Variants in MGLL observed in about 807,000 individuals in gnomAD.
MGLL encodes monoglyceride lipase, also known as lysophospholipase homolog.
A neutral mutation model predicts 29.1 loss-of-function variants in MGLL; 7 were observed. That is an observed-to-expected ratio of 0.24 (90% CI 0.14 to 0.45). MGLL has a LOEUF of 0.45. Ranked by LOEUF, MGLL falls within the 20% of genes least tolerant of loss-of-function variation. The probability of loss-of-function intolerance (pLI) is 0.99; values close to 1 mark genes in which losing one functional copy is unlikely to be tolerated. For synonymous variants in MGLL, 148 were observed against 168.3 expected, an observed-to-expected ratio of 0.88 and a Z score of 0.93; for missense variants, 356 against 413.6, an observed-to-expected ratio of 0.86 and a Z score of 1.21.
chr3:127,789,720 G>C (rs2077270066), intron 2 of MGLL, among the ~76,000 whole-genome samples: 1 of 149,358 alleles, frequency 6.7e-6, no homozygotes, highest in African/African-American at 2.5e-5. Context: ...AAGAAAGAAA[G>C]GAAAGAAAGG....
intron 3 of MGLL, among the ~76,000 whole-genome samples, chr3:127,741,935 A>G (rs997484874): frequency 7.0e-6 from 1 of 142,102 alleles, no homozygotes; most frequent in Non-Finnish European, 1.5e-5. Flanking sequence ...ATATCCCATC[A>G]GGGGATACAT....
At chr3:127,729,459 TC>T (rs1446694274) in intron 3 of MGLL, among the ~76,000 whole-genome samples, 4 of 152,222 alleles carry the variant, frequency 2.6e-5, no homozygotes, top group African/African-American at 7.2e-5. Flanking sequence ...GAGATACCCA[TC>T]TTTTACCAGA....
intron 2 of MGLL, among the ~76,000 whole-genome samples, chr3:127,807,114 G>C (rs1406301554): frequency 6.6e-6 from 1 of 152,182 alleles, no homozygotes; most frequent in East Asian, 1.9e-4. Flanking sequence ...AACCATCTGG[G>C]CCTGGGTTTT....
At chr3:127,747,932 A>G (rs1054246203) in intron 3 of MGLL, among the ~76,000 whole-genome samples, 2 of 152,182 alleles carry the variant, frequency 1.3e-5, no homozygotes, top group African/African-American at 4.8e-5. Context: ...GGATTTGGCC[A>G]CAACCTGGCA....
At chr3:127,771,915 C>A (rs1304752804) in intron 3 of MGLL, among the ~76,000 whole-genome samples, 2 of 152,170 alleles carry the variant, frequency 1.3e-5, no homozygotes, top group African/African-American at 4.8e-5. Context: ...TCCCGGCTGT[C>A]TTGGCAAGGA....
chr3:127,821,790 G>A lies in MGLL; in HGVS notation c.59C>T (p.Thr20Ile), dbSNP rs757569359. Residue 20 changes from threonine (T) to isoleucine (I), a missense_variant, in exon 2 of 8, where the codon ACC becomes ATC. By Grantham distance (89) the Thr-to-Ile change is moderately conservative. Coordinates refer to ENST00000265052, the MANE Select transcript of MGLL (RefSeq NM_007283.7). The part of the protein sequence containing the change: ...SMPEESSPRR[T>I]PQSIPYQDLP... Reference sequence around the variant, plus strand: ...GTCCTGGTAGGGAATGCTCTGCGGGGTCCGCCTGGGGGAACTTTCCTCTGG... The same window carrying A: ...GTCCTGGTAGGGAATGCTCTGCGGGATCCGCCTGGGGGAACTTTCCTCTGG... 4.3e-6 allele frequency: 7 copies of A among 1,614,144 alleles called. No homozygotes were observed. The East Asian group carries it at 8.9e-5, about 21-fold the overall frequency.
chr3:127,785,510 A>G (rs2077197382), intron 2 of MGLL, among the ~76,000 whole-genome samples: 1 of 152,264 alleles, frequency 6.6e-6, no homozygotes, highest in Admixed American at 6.5e-5. Context: ...CTGAGCACTG[A>G]GAAACCCAGA....
chr3:127,781,639 TG>T, intron 3 of MGLL, 149 bp downstream of exon 3: 2 of 771,326 alleles, frequency 2.6e-6, no homozygotes, highest in Admixed American at 2.0e-5. Flanking sequence ...ACATTTTTTT[TG>T]TTTGTTTGCA....
intron 5 of MGLL, 149 bp downstream of exon 5, chr3:127,720,904 C>T: frequency 1.4e-6 from 1 of 712,158 alleles, no homozygotes; most frequent in Non-Finnish European, 2.5e-6. Flanking sequence ...CCGGTGGCAA[C>T]AGTGTTGGAT....
chr3:127,734,460 C>G (rs2076208760), intron 3 of MGLL, among the ~76,000 whole-genome samples: 1 of 152,168 alleles, frequency 6.6e-6, no homozygotes, highest in Non-Finnish European at 1.5e-5. Flanking sequence ...AGCCCACACG[C>G]TCTCCACTGG....
intron 5 of MGLL, among the ~76,000 whole-genome samples, chr3:127,718,831 T>G (rs3773153): frequency 0.35 from 53,775 of 152,034 alleles, 11,180 homozygotes; most frequent in Non-Finnish European, 0.47. Context: ...GTCTTATTCT[T>G]AAAACTTTTA....
chr3:127,699,473 C>T lies in MGLL; in HGVS notation c.601-4283G>A, dbSNP rs144004368. Among the ~76,000 whole-genome samples, 744 of 152,254 alleles carry T rather than the reference C, an allele frequency of 4.9e-3. 4 individuals carry two copies. Among genetic ancestry groups the T allele is most frequent in the African/African-American group, 0.017 (704 of 41,536 alleles). ...TAGGTGCTGTAGTAAGTGCTTCACT[C>T]GCACTTGCTCATTTAATCTTCACAG... On this transcript the variant is annotated intron_variant, in intron 6 of 7. Transcript: ENST00000265052.
At chr3:127,778,774 A>G (rs1186197717) in intron 3 of MGLL, among the ~76,000 whole-genome samples, 1 of 151,388 alleles carries the variant, frequency 6.6e-6, no homozygotes, top group East Asian at 1.9e-4. Context: ...TCTTTTTGAG[A>G]CAGGATCTTG....
At chr3:127,774,020 C>T (rs2076992325) in intron 3 of MGLL, among the ~76,000 whole-genome samples, 2 of 152,326 alleles carry the variant, frequency 1.3e-5, no homozygotes, top group South Asian at 2.1e-4. Context: ...TCAGAAATCA[C>T]ACACATCACA....
chr3:127,743,601 T>G (rs1324839664), intron 3 of MGLL, among the ~76,000 whole-genome samples: 64 of 71,824 alleles, frequency 8.9e-4, no homozygotes, highest in African/African-American at 3.5e-3. Flanking sequence ...AAAAAAAAAG[T>G]CCAAGCAGAG....
At chr3:127,724,487 A>G (rs1318888413) in intron 3 of MGLL, among the ~76,000 whole-genome samples, 1 of 152,178 alleles carries the variant, frequency 6.6e-6, no homozygotes, top group Non-Finnish European at 1.5e-5. Context: ...GACGGTTCCC[A>G]CCTTTTGGCT....
chr3:127,767,229 C>T (rs1267068411), intron 3 of MGLL, among the ~76,000 whole-genome samples: 1 of 152,104 alleles, frequency 6.6e-6, no homozygotes, highest in African/African-American at 2.4e-5. Context: ...CTGGATTTAT[C>T]TAATCTCTCA....
At chr3:127,745,887 T>C (rs770274391) in intron 3 of MGLL, among the ~76,000 whole-genome samples, 3 of 152,064 alleles carry the variant, frequency 2.0e-5, no homozygotes, top group Non-Finnish European at 2.9e-5. Flanking sequence ...GGGCGGGGCA[T>C]GGAAGGGGAA....
At chr3:127,822,871 A>C (rs902369224), upstream of MGLL, 1 of 159,522 alleles carries the variant, frequency 6.3e-6, no homozygotes, top group Non-Finnish European at 1.4e-5. Flanking sequence ...GATGGGGACA[A>C]GTTGGTTTGG....
Sources: allele counts gnomAD v4.1 joint callset (sites outside exome capture counted in the v4.1 genomes callset), GRCh38; gene constraint gnomAD v4.1.1; transcripts MANE v1.5; gene names NCBI Gene and HGNC (gene_info 2026-07-23, HGNC 2026-07-21).